The following ADAMTSL1 variants were observed in gnomAD, a reference collection of about 807,000 sequenced individuals.
The protein encoded by ADAMTSL1 is ADAMTS-like protein 1.
A neutral mutation model predicts 201.8 loss-of-function variants in ADAMTSL1; 126 were observed. The ratio of observed to expected loss-of-function variants is 0.62; its 90% confidence interval spans 0.54 to 0.72. The LOEUF (loss-of-function observed/expected upper bound fraction) is 0.72. Among genes scored for constraint, ADAMTSL1 ranks in the 30% least tolerant of loss-of-function variants. The pLI is 0.00. For synonymous variants in ADAMTSL1, 1,121 were observed against 903.4 expected, an observed-to-expected ratio of 1.24 and a Z score of -4.32; for missense variants, 2,679 against 2,277.8, an observed-to-expected ratio of 1.18 and a Z score of -3.59.
intron 1 of ADAMTSL1, among the ~76,000 whole-genome samples, chr9:17,935,742 A>G (rs565395526): frequency 3.9e-5 from 6 of 152,320 alleles, no homozygotes; most frequent in Non-Finnish European, 7.3e-5. Flanking sequence ...CAGATGGACC[A>G]TCTTGATTCA....
At chr9:18,298,103 C>G (rs548223120) in intron 2 of ADAMTSL1, among the ~76,000 whole-genome samples, 1 of 152,150 alleles carries the variant, frequency 6.6e-6, no homozygotes, top group Non-Finnish European at 1.5e-5. Context: ...ATTCTGTGAG[C>G]TAGGACGTAT....
intron 15 of ADAMTSL1, among the ~76,000 whole-genome samples, chr9:18,746,127 G>A (rs1819129321): frequency 6.6e-6 from 1 of 152,210 alleles, no homozygotes; most frequent in Non-Finnish European, 1.5e-5. Context: ...TGACACCAGT[G>A]GAGGTTTTTA....
In ADAMTSL1 at chr9:18,143,666, G is replaced by T. The variant is rs1003263761; in HGVS notation, c.88-20196G>T. Among the ~76,000 whole-genome samples, 4 of 152,108 alleles carry T rather than the reference G, an allele frequency of 2.6e-5. No individual in the cohort carries two copies. In the East Asian group the frequency reaches 7.7e-4, roughly 29 times the overall value. ...CAAGATGATGGTTGCTGCTGGTTTT[G>T]TTTAACAGACACTTCATTCTGCAAA... On this transcript the variant is annotated intron_variant, in intron 1 of 29. Transcript: ENST00000680146.
chr9:18,671,647 G>A (rs933511141), intron 9 of ADAMTSL1, among the ~76,000 whole-genome samples: 1 of 152,176 alleles, frequency 6.6e-6, no homozygotes, highest in Admixed American at 6.5e-5. Flanking sequence ...CAGGAAATCA[G>A]AAACGAAGAT....
chr9:18,265,716 T>A (rs1249416034), intron 2 of ADAMTSL1, among the ~76,000 whole-genome samples: 1 of 152,214 alleles, frequency 6.6e-6, no homozygotes, highest in African/African-American at 2.4e-5. Flanking sequence ...TTGCCAAAAA[T>A]GTCTTTTAAA....
At chr9:18,532,838 T>C (rs946029215) in intron 2 of ADAMTSL1, among the ~76,000 whole-genome samples, 5 of 151,950 alleles carry the variant, frequency 3.3e-5, no homozygotes, top group Middle Eastern at 3.4e-3. Flanking sequence ...TTAAGACATG[T>C]TGAATATTAA....
At chr9:18,319,024 T>C (rs553674596) in intron 2 of ADAMTSL1, among the ~76,000 whole-genome samples, 4 of 152,082 alleles carry the variant, frequency 2.6e-5, no homozygotes, top group Non-Finnish European at 5.9e-5. Context: ...GCCTGGGCAA[T>C]ATAGCAAGAC....
At chr9:18,392,817 T>C (rs1838106610) in intron 2 of ADAMTSL1, among the ~76,000 whole-genome samples, 1 of 152,226 alleles carries the variant, frequency 6.6e-6, no homozygotes, top group Admixed American at 6.5e-5. Flanking sequence ...AATATCAGCC[T>C]TCTTTCCTTT....
intron 1 of ADAMTSL1, among the ~76,000 whole-genome samples, chr9:17,942,931 T>A (rs59748298): frequency 0.011 from 1,669 of 152,230 alleles, 28 homozygotes; most frequent in African/African-American, 0.039. Flanking sequence ...TTTTTGTTGT[T>A]TGTTTAATAA....
chr9:18,247,856 CCTTGCA>C (rs1726986939), intron 2 of ADAMTSL1, among the ~76,000 whole-genome samples: 1 of 151,706 alleles, frequency 6.6e-6, no homozygotes, highest in African/African-American at 2.4e-5. Flanking sequence ...TTCTAGGAGG[CCTTGCA>C]TGCCTGGTAT....
At chr9:17,937,053 G>T (rs985018463) in intron 1 of ADAMTSL1, among the ~76,000 whole-genome samples, 2 of 152,080 alleles carry the variant, frequency 1.3e-5, no homozygotes, top group Non-Finnish European at 2.9e-5. Context: ...TGCTTTCTCT[G>T]CAGCCCTAAC....
chr9:18,777,448 C>G lies in ADAMTSL1; in HGVS notation c.3219C>G (p.Thr1073=). The change falls in exon 19 of 29, where the codon ACC becomes ACG. Residue 1073 remains threonine (T), a synonymous_variant. Coordinates refer to ENST00000380548, the MANE Select transcript of ADAMTSL1 (RefSeq NM_001040272.6). Reference sequence around the variant, plus strand: ...TGCACCTGCCCTTCACCATGGTGACCGAGCAGCGGCGCCTGGACGACATCC... The same window carrying G: ...TGCACCTGCCCTTCACCATGGTGACGGAGCAGCGGCGCCTGGACGACATCC... The part of the protein sequence containing the change: ...VLLHLPFTMV[T]EQRRLDDILG... 6.3e-7 allele frequency: 1 copy of G among 1,595,522 alleles called. No individual in the cohort carries two copies. The highest frequency in any genetic ancestry group is 1.3e-5 in the African/African-American group (1 of 74,670).
chr9:18,050,557 G>A (rs1446339538), intron 1 of ADAMTSL1, among the ~76,000 whole-genome samples: 1 of 152,172 alleles, frequency 6.6e-6, no homozygotes, highest in Non-Finnish European at 1.5e-5. Flanking sequence ...AGCTCTGTGT[G>A]AATAATATTG....
intron 2 of ADAMTSL1, among the ~76,000 whole-genome samples, chr9:18,302,014 G>A (rs1404131207): frequency 6.6e-6 from 1 of 152,114 alleles, no homozygotes; most frequent in Non-Finnish European, 1.5e-5. Context: ...AGAAAGTCTG[G>A]GATGTTAGAT....
intron 2 of ADAMTSL1, among the ~76,000 whole-genome samples, chr9:18,457,354 A>G (rs1286867081): frequency 6.6e-6 from 1 of 152,160 alleles, no homozygotes; most frequent in Non-Finnish European, 1.5e-5. Flanking sequence ...TGTTTTTAGA[A>G]ACAGGGTCTC....
At chr9:18,778,039 G>C (rs1379661326) in intron 19 of ADAMTSL1, 133 bp downstream of exon 19, 1 of 1,134,770 alleles carries the variant, frequency 8.8e-7, no homozygotes, top group Non-Finnish European at 1.2e-6. Context: ...CCCCATCATG[G>C]GGTGCAGGCC....
chr9:18,637,970 A>C (rs1388510327), intron 6 of ADAMTSL1, among the ~76,000 whole-genome samples: 1 of 152,142 alleles, frequency 6.6e-6, no homozygotes, highest in Non-Finnish European at 1.5e-5. Context: ...ATATTTCTAC[A>C]AGTGCCTGTG....
In ADAMTSL1 at chr9:18,421,439, C is replaced by G. The variant is rs76361169; in HGVS notation, c.208-83390C>G. On this transcript the variant is annotated intron_variant, in intron 2 of 29. Coordinates refer to the ADAMTSL1 transcript ENST00000680146. The stretch of plus-strand genomic sequence containing the variant: ...ACACTTAGCCAACATCACAGAGCTC[C>G]TAAGCGATAGAGCCAGGATTCAAAC... Among the ~76,000 whole-genome samples, 1,014 of 152,240 alleles carry G rather than the reference C, an allele frequency of 6.7e-3. 15 individuals carry two copies. The highest frequency in any genetic ancestry group is 0.023 in the African/African-American group (958 of 41,544).
chr9:18,603,286 A>T (rs1824779309), intron 4 of ADAMTSL1, among the ~76,000 whole-genome samples: 1 of 152,234 alleles, frequency 6.6e-6, no homozygotes, highest in Admixed American at 6.5e-5. Flanking sequence ...AAAGTTATGC[A>T]GCTAATAAAT....
Sources: gnomAD v4.1 joint callset for allele counts (sites outside exome capture counted in the v4.1 genomes callset) on GRCh38, gnomAD v4.1.1 for gene constraint, MANE v1.5 for transcripts, NCBI Gene and HGNC (gene_info 2026-07-23, HGNC 2026-07-21) for gene names.